Variants in USP13 observed in about 807,000 individuals in gnomAD.
The protein encoded by USP13 is ubiquitin carboxyl-terminal hydrolase 13.
Under a neutral mutation model 107.8 loss-of-function variants are expected in USP13, and 68 were observed. That is an observed-to-expected ratio of 0.63 (90% CI 0.52 to 0.77). The LOEUF is 0.77. USP13 is among the 30% of genes least tolerant of loss of function. USP13 has a pLI of 0.00. For missense variants in USP13, 945 were observed against 1,093.3 expected, an observed-to-expected ratio of 0.86 and a Z score of 1.91; for synonymous variants, 377 against 389.5, an observed-to-expected ratio of 0.97 and a Z score of 0.38.
At chr3:179,658,215 A>G (rs1437988877) in intron 1 of USP13, among the ~76,000 whole-genome samples, 1 of 152,088 alleles carries the variant, frequency 6.6e-6, no homozygotes, top group Admixed American at 6.5e-5. Flanking sequence ...TGGCCTCCCA[A>G]AGTGCTGTGA....
At chr3:179,779,500 A>G (rs926281552) in intron 19 of USP13, among the ~76,000 whole-genome samples, 1 of 152,100 alleles carries the variant, frequency 6.6e-6, no homozygotes, top group Non-Finnish European at 1.5e-5. Flanking sequence ...ACTGCACTCC[A>G]GACTGGGTGA....
At chr3:179,657,839 G>T (rs956511200) in intron 1 of USP13, among the ~76,000 whole-genome samples, 1 of 151,896 alleles carries the variant, frequency 6.6e-6, no homozygotes, top group Non-Finnish European at 1.5e-5. Context: ...GGTTGTCAGG[G>T]GTTGTGTAGG....
rs931101390 is a variant in USP13, at chr3:179,786,907, A to C, written c.*2766A>C. 3 of 152,232 alleles carry C rather than the reference A, an allele frequency of 2.0e-5. No homozygotes were observed. 9.4% of individuals were successfully genotyped at this position (152,232 alleles called of 1,614,324 possible). A position where few individuals can be genotyped will look rare whatever the true frequency, so the allele number is the denominator to read the frequency against. On this transcript the variant is annotated 3_prime_UTR_variant, in exon 21 of 21. Transcript: ENST00000263966. Reference sequence around the variant, plus strand: ...TATCTTTTGATATCCATTTATGTAGAATTCCAATGAATATGTCTTTGGAAA... The same window carrying C: ...TATCTTTTGATATCCATTTATGTAGCATTCCAATGAATATGTCTTTGGAAA...
chr3:179,701,175 G>A (rs772608116), intron 4 of USP13, 46 bp downstream of exon 4: 5 of 1,363,026 alleles, frequency 3.7e-6, no homozygotes, highest in African/African-American at 1.5e-5. Context: ...ATGGCTCTGT[G>A]TCAGGTGTGT....
At chr3:179,776,418 T>C (rs1360709002) in intron 19 of USP13, among the ~76,000 whole-genome samples, 1 of 152,186 alleles carries the variant, frequency 6.6e-6, no homozygotes, top group African/African-American at 2.4e-5. Context: ...AAACTCTTTT[T>C]AAACAGTCCT....
chr3:179,686,907 A>G (rs946511307), intron 2 of USP13, among the ~76,000 whole-genome samples: 4 of 152,198 alleles, frequency 2.6e-5, no homozygotes, highest in African/African-American at 9.7e-5. Context: ...GCTTCCGCTT[A>G]TCCTTTCTCA....
chr3:179,746,171 T>G (rs184541485), intron 13 of USP13, among the ~76,000 whole-genome samples: 2,349 of 147,660 alleles, frequency 0.016, 74 homozygotes, highest in African/African-American at 0.056. Flanking sequence ...TCAATAGCAG[T>G]TCAACCTATA....
At position 179,781,654 on chromosome 3, in the gene USP13, A is replaced by C. The variant is rs1202238754; in HGVS notation, c.2414-85A>C. On this transcript the variant is annotated intron_variant, in intron 19 of 20. Transcript: ENST00000263966. ...CAAATCTAAACAGTTGCTGGATTAT[A>C]CTATGGTTGGTTTTAAATTCTAACC... 4 of 1,160,508 alleles carry C rather than the reference A, an allele frequency of 3.4e-6. No individual in the cohort carries two copies. In the East Asian group the frequency reaches 9.5e-5, roughly 27 times the overall value. 71.9% of individuals were successfully genotyped at this position (1,160,508 alleles called of 1,614,324 possible).
At chr3:179,665,634 G>A (rs1414901273) in intron 1 of USP13, among the ~76,000 whole-genome samples, 1 of 152,174 alleles carries the variant, frequency 6.6e-6, no homozygotes, top group African/African-American at 2.4e-5. Context: ...TGCCCAGGCT[G>A]GAGTGCAGTG....
intron 2 of USP13, 150 bp downstream of exon 2, chr3:179,682,153 C>A: frequency 1.0e-6 from 1 of 998,872 alleles, no homozygotes; most frequent in Non-Finnish European, 1.4e-6. Context: ...TTGCAAAATC[C>A]AGAGAGTCTC....
intron 8 of USP13, among the ~76,000 whole-genome samples, chr3:179,722,411 T>G (rs1178691353): frequency 1.3e-5 from 2 of 152,240 alleles, no homozygotes; most frequent in Non-Finnish European, 2.9e-5. Context: ...ATTGGGAAAT[T>G]GTAACAATTT....
intron 19 of USP13, among the ~76,000 whole-genome samples, chr3:179,774,917 C>T (rs185533440): frequency 8.5e-5 from 13 of 152,292 alleles, no homozygotes; most frequent in Admixed American, 3.3e-4. Flanking sequence ...ATTTACAATC[C>T]TCTAGCTAGA....
intron 1 of USP13, among the ~76,000 whole-genome samples, chr3:179,677,316 G>C (rs917694597): frequency 2.0e-5 from 3 of 151,364 alleles, no homozygotes; most frequent in Non-Finnish European, 4.4e-5. Flanking sequence ...GGGTGCAGTG[G>C]CTCACGCTGT....
rs1711772172 is a variant in USP13, at chr3:179,684,122, G to A, written c.294+2119G>A. On this transcript the variant is annotated intron_variant, in intron 2 of 20. Coordinates refer to ENST00000263966, the MANE Select transcript of USP13 (RefSeq NM_003940.3). ...ACTACAGGTGCGCGCCACCATGCCC[G>A]GCTAACTTTTGTATTTTTAGTAGAG... 4.0e-5 allele frequency among the ~76,000 whole-genome samples: 6 copies of A among 151,740 alleles called. No individual in the cohort carries two copies. The South Asian group carries it at 1.0e-3, about 26-fold the overall frequency.
chr3:179,737,535 G>A (rs1194561404), intron 10 of USP13, among the ~76,000 whole-genome samples: 1 of 152,192 alleles, frequency 6.6e-6, no homozygotes, highest in Non-Finnish European at 1.5e-5. Flanking sequence ...CACTGTGAAT[G>A]AAGAAAGTCA....
chr3:179,770,736 C>G (rs775305544), intron 19 of USP13, among the ~76,000 whole-genome samples: 4 of 152,076 alleles, frequency 2.6e-5, no homozygotes, highest in Non-Finnish European at 5.9e-5. Context: ...TCTGGAGTAG[C>G]TAGGATTACA....
intron 19 of USP13, among the ~76,000 whole-genome samples, chr3:179,778,981 A>G (rs1715647852): frequency 6.8e-6 from 1 of 146,670 alleles, no homozygotes. Context: ...TGACATCTGA[A>G]AAAAGAGAGT....
At chr3:179,654,244 A>G (rs1299020848) in intron 1 of USP13, among the ~76,000 whole-genome samples, 3 of 151,316 alleles carry the variant, frequency 2.0e-5, no homozygotes, top group African/African-American at 7.3e-5. Flanking sequence ...GTCAGACGAA[A>G]CCTTCCGGTG....
At chr3:179,735,507 T>G (rs1470250972) in intron 10 of USP13, among the ~76,000 whole-genome samples, 2 of 152,144 alleles carry the variant, frequency 1.3e-5, no homozygotes, top group Non-Finnish European at 2.9e-5. Context: ...GTACTTGATG[T>G]GCAGCTTCAA....
Sources: gnomAD v4.1 joint callset for allele counts (sites outside exome capture counted in the v4.1 genomes callset) on GRCh38, gnomAD v4.1.1 for gene constraint, MANE v1.5 for transcripts, NCBI Gene and HGNC (gene_info 2026-07-23, HGNC 2026-07-21) for gene names.